The following ANKIB1 variants were observed in gnomAD, a reference collection of about 807,000 sequenced individuals.
The protein encoded by ANKIB1 is ankyrin repeat and IBR domain containing 1, also known as ankyrin repeat and IBR domain-containing protein 1.
In ANKIB1, 43 loss-of-function variants were observed where a neutral mutation model predicts 122.1. The observed-to-expected ratio is 0.35, with a 90% CI of 0.28 to 0.45. The LOEUF (loss-of-function observed/expected upper bound fraction) is 0.45. Ranked by LOEUF, ANKIB1 falls within the 20% of genes least tolerant of loss-of-function variation. The pLI is 1.00. For synonymous variants in ANKIB1, 390 were observed against 442.0 expected (o/e 0.88, Z 1.48); for missense variants, 992 against 1,329.5 (o/e 0.75, Z 3.95).
chr7:92,338,824 A>G (rs892946569), intron 5 of ANKIB1, among the ~76,000 whole-genome samples: 22 of 144,430 alleles, frequency 1.5e-4, no homozygotes, highest in African/African-American at 5.1e-4. Flanking sequence ...AGGCAGGAGA[A>G]TTGCTTGAAC....
chr7:92,319,598 G>A, intron 4 of ANKIB1, 86 bp downstream of exon 4: 1 of 1,317,948 alleles, frequency 7.6e-7, no homozygotes, highest in Non-Finnish European at 1.1e-6. Context: ...TTAAAACTCA[G>A]TTTGTGTGTT....
In ANKIB1 at chr7:92,399,705, G is replaced by A. The variant is rs1804978077; in HGVS notation, c.*756G>A. On this transcript the variant is annotated 3_prime_UTR_variant, in exon 20 of 20. Transcript: ENST00000265742. ...TTAAATGGGTTTTTGTTGCCATGGA[G>A]ACTGCATTTATATAAATGTAGCCTG... 1 of 152,174 alleles carries A rather than the reference G, an allele frequency of 6.6e-6. No homozygotes were observed. Among genetic ancestry groups the A allele is most frequent in the Non-Finnish European group, 1.5e-5 (1 of 68,036 alleles). The allele number at this position is 152,174 out of a possible 1,614,324, so 9.4% of individuals were successfully genotyped here.
chr7:92,304,203 T>C (rs1329399375), intron 2 of ANKIB1, among the ~76,000 whole-genome samples: 1 of 152,100 alleles, frequency 6.6e-6, no homozygotes, highest in African/African-American at 2.4e-5. Context: ...TTTAAACAGA[T>C]GAGAGGAATC....
intron 7 of ANKIB1, among the ~76,000 whole-genome samples, chr7:92,348,567 G>T (rs968639001): frequency 3.9e-5 from 6 of 152,034 alleles, no homozygotes; most frequent in African/African-American, 1.4e-4. Flanking sequence ...TGTATTTTTA[G>T]TAGAGATGAG....
intron 5 of ANKIB1, among the ~76,000 whole-genome samples, chr7:92,332,055 AGAT>A (rs1416321738): frequency 2.0e-5 from 3 of 152,232 alleles, no homozygotes; most frequent in African/African-American, 7.2e-5. Flanking sequence ...TTTTACAATA[AGAT>A]GAAACCCAAC....
chr7:92,367,250 A>G (rs144268665), intron 10 of ANKIB1, among the ~76,000 whole-genome samples: 2 of 152,320 alleles, frequency 1.3e-5, no homozygotes, highest in East Asian at 1.9e-4. Context: ...AGTCCCAGTT[A>G]TTGTTAAGAA....
rs192873626 is a variant in ANKIB1 at position 92,394,435 on chromosome 7, G to A, written c.2284-1930G>A. 4.6e-5 allele frequency among the ~76,000 whole-genome samples: 7 copies of A among 152,278 alleles called. No homozygotes were observed. The East Asian group carries it at 1.3e-3, about 29-fold the overall frequency. ...TATATTTAAGCCTGTTGCATCATGA[G>A]AGAATGCCATCTGAGAGTTTTCTGT... On this transcript the variant is annotated intron_variant, in intron 17 of 19. Coordinates refer to ENST00000265742, the MANE Select transcript of ANKIB1 (RefSeq NM_019004.2).
intron 7 of ANKIB1, among the ~76,000 whole-genome samples, chr7:92,347,622 C>G (rs559065319): frequency 6.6e-6 from 1 of 152,096 alleles, no homozygotes; most frequent in Non-Finnish European, 1.5e-5. Context: ...ATTGATTGAT[C>G]GATCAATCGA....
At position 92,309,343 on chromosome 7, in the gene ANKIB1, T is replaced by C. The variant is rs368097421; in HGVS notation, c.486+1687T>C. Among the ~76,000 whole-genome samples, 48 of 152,320 alleles carry C rather than the reference T, an allele frequency of 3.2e-4. 1 individual carries two copies. The highest frequency in any genetic ancestry group is 9.9e-4 in the African/African-American group (41 of 41,580). On this transcript the variant is annotated intron_variant, in intron 3 of 19. Transcript: ENST00000265742. ...TAAGCGATCTCCCTCCCTCATCTTC[T>C]GGAGTAGCTAGGACTACAGGCACAC...
At chr7:92,308,233 C>CT (rs1239144103) in intron 3 of ANKIB1, among the ~76,000 whole-genome samples, 1 of 151,976 alleles carries the variant, frequency 6.6e-6, no homozygotes, top group Non-Finnish European at 1.5e-5. Flanking sequence ...CACAGGTGAA[C>CT]AATCACTTTT....
chr7:92,397,673 A>G, intron 18 of ANKIB1, 50 bp from the exon 19 acceptor site: 2 of 1,600,018 alleles, frequency 1.2e-6, no homozygotes, highest in Non-Finnish European at 1.7e-6. Flanking sequence ...AAAAATAAAT[A>G]AGTCTTATTT....
intron 7 of ANKIB1, among the ~76,000 whole-genome samples, chr7:92,348,475 T>C (rs1005717285): frequency 2.0e-5 from 3 of 149,818 alleles, no homozygotes; most frequent in Non-Finnish European, 4.4e-5. Context: ...GACCTCTGCC[T>C]CCCGGGTTCA....
intron 1 of ANKIB1, among the ~76,000 whole-genome samples, chr7:92,270,194 C>G (rs4727271): frequency 0.1 from 15,433 of 152,122 alleles, 974 homozygotes; most frequent in East Asian, 0.36. Context: ...ACCCGAGTAG[C>G]TGGGACTGTA....
intron 1 of ANKIB1, among the ~76,000 whole-genome samples, chr7:92,273,999 T>C (rs1381131929): frequency 6.6e-6 from 1 of 151,906 alleles, no homozygotes; most frequent in Non-Finnish European, 1.5e-5. Context: ...TCTTGAACCC[T>C]TGGGCTCAAG....
At position 92,398,622 on chromosome 7, in the gene ANKIB1, C is replaced by A. The variant is rs202131975; in HGVS notation, c.2943C>A (p.Asn981Lys). 486 of 1,613,882 alleles carry A rather than the reference C, an allele frequency of 3.0e-4. 1 individual carries two copies. Among genetic ancestry groups the A allele is most frequent in the South Asian group, 3.6e-4 (33 of 91,076 alleles). The change falls in exon 20 of 20, where the codon AAC becomes AAA. Residue 981 changes from asparagine to lysine, a missense_variant. Physicochemically the swap from Asn to Lys is moderately conservative, Grantham distance 94. Around this residue, in one of 4 missense-constraint regions of ANKIB1, gnomAD observed 384 missense variants for 412.0 expected, o/e 0.93. Transcript: ENST00000265742. ...TCATGGCTTGGTTTCATGACATGAA[C>A]CCTCAGAGTATTGCCCTGATTCCTC... ...GNIMAWFHDM[N>K]PQSIALIPPA...
chr7:92,246,095 C>G lies in ANKIB1; in HGVS notation c.-515C>G. On this transcript the variant is annotated 5_prime_UTR_variant, in exon 1 of 20. Coordinates refer to ENST00000265742, the MANE Select transcript of ANKIB1 (RefSeq NM_019004.2). ...GCGGTGGGGGTGCCAGCGGCTGAGC[C>G]GGAGCCGGAGCCGGAGGCGGGGGAG... is the stretch of plus-strand genomic sequence containing the variant. The G allele has an allele frequency of 3.6e-6, 1 of 281,336 alleles. No individual in the cohort carries two copies. The highest frequency in any genetic ancestry group is 2.8e-5 in the South Asian group (1 of 35,954). 17.4% of individuals were successfully genotyped at this position (281,336 alleles called of 1,614,324 possible).
Position 92,327,798 on chromosome 7 carries a change from A to T in ANKIB1, c.685A>T (p.Arg229Trp). 7 of 1,573,064 alleles carry T rather than the reference A, an allele frequency of 4.4e-6. No homozygotes were observed. The South Asian group carries it at 8.4e-5, about 19-fold the overall frequency. Residue 229 changes from arginine to tryptophan, a missense_variant, in exon 5 of 20, where the codon AGG becomes TGG. Coordinates refer to ENST00000265742, the MANE Select transcript of ANKIB1 (RefSeq NM_019004.2). ...CTTTTCAAAGCCATATGAAGGATTA[A>T]GGCCTCAGGATCTTCGTAGACTAAA... ...LDKREPYEGL[R>W]PQDLRRLKDM... is the part of the protein sequence containing the mutation.
At chr7:92,365,397 A>G (rs1025385760) in intron 10 of ANKIB1, among the ~76,000 whole-genome samples, 6 of 152,244 alleles carry the variant, frequency 3.9e-5, no homozygotes, top group Non-Finnish European at 8.8e-5. Context: ...TTCCAGGCAT[A>G]GAGTGAAGTG....
At chr7:92,282,997 T>C (rs1424415640) in intron 1 of ANKIB1, among the ~76,000 whole-genome samples, 4 of 152,330 alleles carry the variant, frequency 2.6e-5, no homozygotes, top group Admixed American at 1.3e-4. Context: ...AGGCAGGCTT[T>C]TGAATATAGC....
Sources: gnomAD v4.1 joint callset for allele counts (sites outside exome capture counted in the v4.1 genomes callset) on GRCh38, gnomAD v4.1.1 for gene constraint, gnomAD v4.1.1 regional missense constraint, MANE v1.5 for transcripts, NCBI Gene and HGNC (gene_info 2026-07-23, HGNC 2026-07-21) for gene names.